GRM8: variants seen among roughly 807,000 people sequenced by gnomAD.
GRM8 encodes metabotropic glutamate receptor 8.
GRM8 carries 47 observed loss-of-function variants against 87.2 expected under a neutral mutation model. The observed-to-expected ratio is 0.54, with a 90% CI of 0.43 to 0.69. GRM8 has a LOEUF of 0.69. Among genes scored for constraint, GRM8 ranks in the 30% least tolerant of loss-of-function variants. GRM8 has a pLI of 0.00. For missense variants in GRM8, 1,019 were observed against 1,139.2 expected (o/e 0.89, Z 1.52); for synonymous variants, 396 against 404.5 (o/e 0.98, Z 0.25).
chr7:127,015,616 C>T (rs1367078378), intron 3 of GRM8, among the ~76,000 whole-genome samples: 1 of 152,138 alleles, frequency 6.6e-6, no homozygotes, highest in Admixed American at 6.5e-5. Context: ...GACCACTACC[C>T]TATTACATCT....
chr7:126,988,651 A>G (rs1812349068), intron 3 of GRM8, among the ~76,000 whole-genome samples: 1 of 152,254 alleles, frequency 6.6e-6, no homozygotes, highest in African/African-American at 2.4e-5. Context: ...GTCAAATTCA[A>G]CAGCATTATG....
At chr7:127,159,087 G>A (rs929455995) in intron 2 of GRM8, among the ~76,000 whole-genome samples, 1 of 152,198 alleles carries the variant, frequency 6.6e-6, no homozygotes, top group African/African-American at 2.4e-5. Context: ...CAGGCTGTGT[G>A]CAAGTGGTTA....
intron 6 of GRM8, among the ~76,000 whole-genome samples, chr7:126,862,131 T>C (rs1378026763): frequency 6.6e-6 from 1 of 152,026 alleles, no homozygotes; most frequent in Non-Finnish European, 1.5e-5. Flanking sequence ...TTGTCTGCAT[T>C]TTAGTTTGTT....
intron 3 of GRM8, among the ~76,000 whole-genome samples, chr7:127,067,354 G>A (rs1442665081): frequency 1.3e-5 from 2 of 152,154 alleles, no homozygotes; most frequent in African/African-American, 4.8e-5. Flanking sequence ...AGTAACAGGT[G>A]CCGTATTCTT....
intron 9 of GRM8, among the ~76,000 whole-genome samples, chr7:126,515,471 G>T (rs573677870): frequency 6.6e-6 from 1 of 152,022 alleles, no homozygotes; most frequent in African/African-American, 2.4e-5. Flanking sequence ...TCCTATTGCT[G>T]TTATAACAAA....
intron 6 of GRM8, among the ~76,000 whole-genome samples, chr7:126,888,019 G>T (rs1586330659): frequency 6.6e-6 from 1 of 152,116 alleles, no homozygotes; most frequent in Admixed American, 6.6e-5. Flanking sequence ...CTGCAAAAGA[G>T]GGGGTAGGTG....
chr7:126,547,932 T>G (rs1817336854), intron 8 of GRM8, among the ~76,000 whole-genome samples: 1 of 146,708 alleles, frequency 6.8e-6, no homozygotes. Context: ...TGAACCTAAA[T>G]AAGAAAATAA....
chr7:127,190,369 C>A (rs1794961006), intron 2 of GRM8, among the ~76,000 whole-genome samples: 1 of 152,052 alleles, frequency 6.6e-6, no homozygotes, highest in African/African-American at 2.4e-5. Context: ...CATGGTGAAA[C>A]CCCATCTCTA....
chr7:127,148,913 C>T (rs1209801539), intron 2 of GRM8, among the ~76,000 whole-genome samples: 1 of 151,984 alleles, frequency 6.6e-6, no homozygotes, highest in Non-Finnish European at 1.5e-5. Flanking sequence ...AGACCTTTAT[C>T]TTACACCACA....
intron 2 of GRM8, among the ~76,000 whole-genome samples, chr7:127,145,427 A>G (rs964804386): frequency 1.3e-5 from 2 of 152,160 alleles, no homozygotes; most frequent in Admixed American, 6.6e-5. Context: ...ACAGTATACT[A>G]AAGTATTTAA....
At chr7:126,524,356 A>C (rs531841964) in intron 9 of GRM8, among the ~76,000 whole-genome samples, 16 of 152,338 alleles carry the variant, frequency 1.1e-4, no homozygotes, top group Admixed American at 1.0e-3. Context: ...TAAGTTTAAA[A>C]CACGGTTCCT....
chr7:126,478,396 A>G (rs1221052229), intron 9 of GRM8, among the ~76,000 whole-genome samples: 1 of 152,112 alleles, frequency 6.6e-6, no homozygotes, highest in East Asian at 1.9e-4. Context: ...GATCAGAGAC[A>G]TTACTGGCGT....
chr7:126,500,969 G>A, intron 9 of GRM8, among the ~76,000 whole-genome samples: 1 of 151,854 alleles, frequency 6.6e-6, no homozygotes, highest in South Asian at 2.1e-4. Flanking sequence ...TATTTTTTCT[G>A]ACCCTTTATA....
intron 2 of GRM8, among the ~76,000 whole-genome samples, chr7:127,190,250 C>A (rs1180311575): frequency 6.6e-6 from 1 of 152,164 alleles, no homozygotes; most frequent in African/African-American, 2.4e-5. Flanking sequence ...AGCTGGTATA[C>A]CCTCATCTCT....
chr7:126,481,613 C>G (rs12154960), intron 9 of GRM8, among the ~76,000 whole-genome samples: 46,819 of 151,614 alleles, frequency 0.31, 8,059 homozygotes, highest in Non-Finnish European at 0.37. Context: ...AGTTAACTGA[C>G]CAGTACTATT....
intron 3 of GRM8, among the ~76,000 whole-genome samples, chr7:127,051,681 T>C (rs930868644): frequency 1.7e-5 from 2 of 121,046 alleles, no homozygotes; most frequent in African/African-American, 6.6e-5. Context: ...ACAGTTACAA[T>C]GAATAAACTG....
At chr7:126,704,380 G>A (rs1810264093) in intron 7 of GRM8, among the ~76,000 whole-genome samples, 1 of 152,064 alleles carries the variant, frequency 6.6e-6, no homozygotes, top group Non-Finnish European at 1.5e-5. Flanking sequence ...TGTCACCTCA[G>A]TACCCTGTGA....
chr7:126,811,428 A>G (rs919417258), intron 6 of GRM8, among the ~76,000 whole-genome samples: 6 of 151,930 alleles, frequency 3.9e-5, no homozygotes, highest in African/African-American at 1.5e-4. Context: ...TTTGGTAGGA[A>G]GTGCATTGAA....
chr7:126,666,118 C>T (rs367598486), intron 7 of GRM8, among the ~76,000 whole-genome samples: 10 of 152,176 alleles, frequency 6.6e-5, no homozygotes, highest in South Asian at 2.1e-4. Flanking sequence ...GAGTCAAGGA[C>T]GGAAATATGA....
Sources: gnomAD v4.1 joint callset for allele counts (sites outside exome capture counted in the v4.1 genomes callset) on GRCh38, gnomAD v4.1.1 for gene constraint, MANE v1.5 for transcripts, NCBI Gene and HGNC (gene_info 2026-07-23, HGNC 2026-07-21) for gene names.